The following PSG1 variants were observed in gnomAD, a reference collection of about 807,000 sequenced individuals.
PSG1 encodes pregnancy-specific beta-1-glycoprotein 1.
A neutral mutation model predicts 41.4 loss-of-function variants in PSG1; 60 were observed. The observed-to-expected ratio is 1.45, with a 90% CI of 1.18 to 1.80. The LOEUF (loss-of-function observed/expected upper bound fraction) is 1.80, where lower values mean the gene tolerates loss of function less well. PSG1 is among the 40% of genes most tolerant of loss of function. The pLI, the probability that PSG1 is intolerant of heterozygous loss-of-function variation, is 0.00. For missense variants in PSG1, 806 were observed against 516.9 expected (o/e 1.56, Z -5.42); for synonymous variants, 256 against 192.9 (o/e 1.33, Z -2.71).
chr19:42,870,527 A>G lies in PSG1; in HGVS notation c.709+1240T>C, dbSNP rs1368938163. 3 of 151,598 alleles carry G rather than the reference A, an allele frequency of 2.0e-5. 1 individual carries two copies. The highest frequency in any genetic ancestry group is 2.9e-5 in the Non-Finnish European group (2 of 67,900). The allele number at this position is 151,598 out of a possible 1,614,324, so 9.4% of individuals were successfully genotyped here. On this transcript the variant is annotated intron_variant, in intron 3 of 5. Coordinates refer to ENST00000436291, the MANE Select transcript of PSG1 (RefSeq NM_001184825.2). Reference sequence around the variant, plus strand: ...TGATTGCTATTTTCTATGTCATCAGAACTTTCCACCTTTTCATGGTTACCT... The same window carrying G: ...TGATTGCTATTTTCTATGTCATCAGGACTTTCCACCTTTTCATGGTTACCT...
In PSG1 at chr19:42,869,521, G is replaced by T. The variant is rs566235291; in HGVS notation, c.710-487C>A. 59 of 171,560 alleles carry T rather than the reference G, an allele frequency of 3.4e-4. 1 individual carries two copies. Among genetic ancestry groups the T allele is most frequent in the East Asian group, 2.7e-3 (19 of 6,920 alleles). 10.6% of individuals were successfully genotyped at this position (171,560 alleles called of 1,614,324 possible). ...TGTCCTGCAACCCTGAAGATACTGA[G>T]CAGCCTGGCCTGGGACTGGATGTTT... On this transcript the variant is annotated intron_variant, in intron 3 of 5. Coordinates refer to ENST00000436291, the MANE Select transcript of PSG1 (RefSeq NM_001184825.2).
In PSG1 at chr19:42,868,329, G is replaced by T. The variant is rs753339915; in HGVS notation, c.1015C>A (p.Pro339Thr). Reference sequence around the variant, plus strand: ...CCTGAACGGTAATAGGTGAATGAAGGGTAAATTCTGGGGAGGTCTGGACCA... The same window carrying T: ...CCTGAACGGTAATAGGTGAATGAAGTGTAAATTCTGGGGAGGTCTGGACCA... ...LYGPDLPRIYPSFTYYRSGEV... is the reference protein window; with the variant it reads ...LYGPDLPRIYTSFTYYRSGEV... The change falls in exon 5 of 6, where the codon CCT becomes ACT. Residue 339 changes from proline (P) to threonine (T), a missense_variant. Pro to Thr is a conservative substitution (Grantham distance 38). Transcript: ENST00000436291. 2 of 1,611,408 alleles carry T rather than the reference G, an allele frequency of 1.2e-6. No homozygotes were observed. Among genetic ancestry groups the T allele is most frequent in the Non-Finnish European group, 1.7e-6 (2 of 1,178,528 alleles).
chr19:42,878,108 T>C lies in PSG1; in HGVS notation c.235A>G (p.Ile79Val). The C allele has an allele frequency of 6.2e-7, 1 of 1,612,220 alleles. No homozygotes were observed. The highest frequency in any genetic ancestry group is 8.5e-7 in the Non-Finnish European group (1 of 1,179,120). Residue 79 changes from isoleucine to valine, a missense_variant, in exon 2 of 6, where the codon ATT becomes GTT. Transcript: ENST00000436291. Reference protein sequence around the residue: ...KGQMRDLYHYITSYVVDGEII... With the variant: ...KGQMRDLYHYVTSYVVDGEII... The stretch of plus-strand genomic sequence containing the variant: ...TCACCGTCTACTACATATGATGTAA[T>C]GTAATGGTAGAGGTCCCTCATTTGC...
chr19:42,877,454 G>A (rs1159477929), intron 2 of PSG1, among the ~76,000 whole-genome samples: 1 of 151,580 alleles, frequency 6.6e-6, no homozygotes, highest in African/African-American at 2.4e-5. Flanking sequence ...TGCCCAAGAA[G>A]CCACAACCCA....
intron 4 of PSG1, 152 bp downstream of exon 4, chr19:42,868,604 C>T: frequency 1.3e-6 from 2 of 1,501,440 alleles, no homozygotes; most frequent in Non-Finnish European, 8.9e-7. Flanking sequence ...TGTGCCTACC[C>T]AGGATTTCCC....
In PSG1 at chr19:42,872,024, A is replaced by G. The variant is rs761101659; in HGVS notation, c.452T>C (p.Ile151Thr). Residue 151 changes from isoleucine to threonine, a missense_variant, in exon 3 of 6, where the codon ATC becomes ACC. Ile to Thr is a moderately conservative substitution (Grantham distance 89, BLOSUM62 -1). Coordinates refer to ENST00000436291, the MANE Select transcript of PSG1 (RefSeq NM_001184825.2). ...CCTGGGATTTAAGTTGCTGCTGGAG[A>G]TGGAGGGCTTAGGAGTCTCCACTGT... ...TLHLETPKPS[I>T]SSSNLNPRET... 6.2e-7 allele frequency: 1 copy of G among 1,611,996 alleles called. No homozygotes were observed. The highest frequency in any genetic ancestry group is 2.2e-5 in the East Asian group (1 of 44,774).
rs1194134699 is a variant in PSG1, at chr19:42,879,689, T to A, written c.-108A>T. On this transcript the variant is annotated 5_prime_UTR_variant, in exon 1 of 6. Transcript: ENST00000436291. Reference sequence around the variant, plus strand: ...GTCCTTCCTCTTTCTGTGCTGAGCCTCTTCCCAGGGCAGGAGCAATTCTCA... The same window carrying A: ...GTCCTTCCTCTTTCTGTGCTGAGCCACTTCCCAGGGCAGGAGCAATTCTCA... The A allele has an allele frequency of 6.7e-7, 1 of 1,500,026 alleles. No individual in the cohort carries two copies. The highest frequency in any genetic ancestry group is 9.1e-7 in the Non-Finnish European group (1 of 1,101,278). The allele number at this position is 1,500,026 out of a possible 1,614,324, so 92.9% of individuals were successfully genotyped here. A position where few individuals can be genotyped will look rare whatever the true frequency, so the allele number is the denominator to read the frequency against.
In PSG1 at chr19:42,866,832, C is replaced by G. The variant is rs1459334767; in HGVS notation, c.*302G>C. 3 of 603,538 alleles carry G rather than the reference C, an allele frequency of 5.0e-6. No homozygotes were observed. In the East Asian group the frequency reaches 8.4e-5, roughly 17 times the overall value. The allele number at this position is 603,538 out of a possible 1,614,324, so 37.4% of individuals were successfully genotyped here. Reference sequence around the variant, plus strand: ...GCCAAGTGAAAGAGGCAGGCATGAGCAAGGACAGTTAAGAGGGGGGAGAGC... The same window carrying G: ...GCCAAGTGAAAGAGGCAGGCATGAGGAAGGACAGTTAAGAGGGGGGAGAGC... On this transcript the variant is annotated 3_prime_UTR_variant, in exon 6 of 6. Transcript: ENST00000436291.
chr19:42,878,751 T>C (rs1475719466), intron 1 of PSG1, among the ~76,000 whole-genome samples: 1 of 149,704 alleles, frequency 6.7e-6, no homozygotes, highest in East Asian at 2.0e-4. Context: ...ATGTCTGTCT[T>C]CCCCCCCATG....
intron 1 of PSG1, 170 bp from the exon 2 acceptor site, chr19:42,878,448 G>C (rs1288124917): frequency 1.1e-6 from 1 of 902,888 alleles, no homozygotes; most frequent in East Asian, 6.9e-5. Flanking sequence ...ATGTGTGATT[G>C]TGTGTGTGTA....
chr19:42,879,549 C>T lies in PSG1; in HGVS notation c.33G>A (p.Gln11=), dbSNP rs756559092. MGTLSAPPCT[Q]RIKWKGLLLT... ...GCAGGAGCCCCTTCCATTTGATGCG[C>T]TGTGTGCAGGGAGGGGCTGAGAGGG... The change falls in exon 1 of 6, where the codon CAG becomes CAA. Residue 11 remains glutamine, a synonymous_variant. Coordinates refer to ENST00000436291, the MANE Select transcript of PSG1 (RefSeq NM_001184825.2). 6.2e-7 allele frequency: 1 copy of T among 1,610,828 alleles called. No individual in the cohort carries two copies. The highest frequency in any genetic ancestry group is 8.5e-7 in the Non-Finnish European group (1 of 1,178,296).
chr19:42,875,390 C>G (rs1172785706), intron 2 of PSG1, among the ~76,000 whole-genome samples: 1 of 151,748 alleles, frequency 6.6e-6, no homozygotes, highest in African/African-American at 2.4e-5. Context: ...TCCCTGACTG[C>G]TCCAGTGTCA....
Position 42,868,940 on chromosome 19 carries a change from G to A in PSG1, c.804C>T (p.Asn268=), listed in dbSNP as rs1971262108. ...CATTTAGCCACCAAATGTAGGTGTA[G>A]TTCTCACTCTTAGGTTCACAGGTGA... ...LNFTCEPKSE[N]YTYIWWLNGQ... The change falls in exon 4 of 6, where the codon AAC becomes AAT. Residue 268 remains asparagine (N), a synonymous_variant. Transcript: ENST00000436291. 6.2e-7 allele frequency: 1 copy of A among 1,610,514 alleles called. No individual in the cohort carries two copies. Among genetic ancestry groups the A allele is most frequent in the African/African-American group, 1.3e-5 (1 of 74,678 alleles).
chr19:42,867,982 G>A (rs1311594995), intron 5 of PSG1, 119 bp downstream of exon 5: 2 of 1,601,994 alleles, frequency 1.2e-6, no homozygotes, highest in Admixed American at 1.7e-5. Context: ...GGAGAATTTG[G>A]GATTTGCTTG....
intron 2 of PSG1, among the ~76,000 whole-genome samples, chr19:42,875,376 A>C (rs1412275827): frequency 6.6e-6 from 1 of 151,820 alleles, no homozygotes; most frequent in Middle Eastern, 3.2e-3. Flanking sequence ...CACAGTTTCT[A>C]TAATCCCTGA....
chr19:42,871,310 C>T (rs1287690691), intron 3 of PSG1, among the ~76,000 whole-genome samples: 1 of 151,676 alleles, frequency 6.6e-6, no homozygotes, highest in East Asian at 1.9e-4. Context: ...GGGGACTTCC[C>T]CTGTATGGTA....
chr19:42,866,688 A>G lies in PSG1; in HGVS notation c.*446T>C, dbSNP rs765092358. 78 of 352,732 alleles carry G rather than the reference A, an allele frequency of 2.2e-4. No individual in the cohort carries two copies. The highest frequency in any genetic ancestry group is 3.4e-4 in the Non-Finnish European group (65 of 189,130). 21.9% of individuals were successfully genotyped at this position (352,732 alleles called of 1,614,324 possible). On this transcript the variant is annotated 3_prime_UTR_variant, in exon 6 of 6. Coordinates refer to ENST00000436291, the MANE Select transcript of PSG1 (RefSeq NM_001184825.2). The stretch of plus-strand genomic sequence containing the variant: ...TGGGAGCCCTGTATGCAAGGTGGAG[A>G]GAGCCACATTTCCCCCTGAGATGTT...
chr19:42,875,492 C>A (rs1399281672), intron 2 of PSG1, among the ~76,000 whole-genome samples: 1 of 151,586 alleles, frequency 6.6e-6, no homozygotes, highest in Non-Finnish European at 1.5e-5. Context: ...AGATGTTTCT[C>A]ATTCTTTTGC....
At chr19:42,875,023 G>T (rs1465444896) in intron 2 of PSG1, among the ~76,000 whole-genome samples, 1 of 151,784 alleles carries the variant, frequency 6.6e-6, no homozygotes, top group Non-Finnish European at 1.5e-5. Context: ...GTTGAGGCTG[G>T]AGTCACAGGT....
Sources: gnomAD v4.1 joint callset for allele counts (sites outside exome capture counted in the v4.1 genomes callset) on GRCh38, gnomAD v4.1.1 for gene constraint, MANE v1.5 for transcripts, NCBI Gene and HGNC (gene_info 2026-07-23, HGNC 2026-07-21) for gene names.